CRIM1: variants seen among roughly 807,000 people sequenced by gnomAD.
CRIM1 encodes the protein cysteine rich transmembrane BMP regulator 1, also known as cysteine-rich motor neuron 1 protein.
In CRIM1, 32 loss-of-function variants were observed where a neutral mutation model predicts 116.4. The observed-to-expected ratio is 0.27, with a 90% confidence interval of 0.21 to 0.37. The LOEUF is 0.37. CRIM1 is among the 10% of genes least tolerant of loss of function. CRIM1 has a pLI of 1.00. For synonymous variants in CRIM1, 590 were observed against 509.2 expected, an observed-to-expected ratio of 1.16 and a Z score of -2.13; for missense variants, 1,331 against 1,354.8, an observed-to-expected ratio of 0.98 and a Z score of 0.28.
chr2:36,544,753 T>C (rs933482882), intron 15 of CRIM1, among the ~76,000 whole-genome samples: 1 of 152,152 alleles, frequency 6.6e-6, no homozygotes, highest in Non-Finnish European at 1.5e-5. Flanking sequence ...CGGAAATAAA[T>C]GGAAATAAAT....
chr2:36,457,655 G>A (rs763749897), intron 4 of CRIM1, among the ~76,000 whole-genome samples: 2 of 152,124 alleles, frequency 1.3e-5, no homozygotes, highest in Non-Finnish European at 2.9e-5. Flanking sequence ...AAAACTGTGA[G>A]CCTAAGGAAC....
At chr2:36,535,755 C>G (rs1666501437) in intron 13 of CRIM1, among the ~76,000 whole-genome samples, 1 of 152,180 alleles carries the variant, frequency 6.6e-6, no homozygotes, top group Non-Finnish European at 1.5e-5. Flanking sequence ...GGTGCATATG[C>G]TTGAGTATTG....
At chr2:36,373,938 C>T (rs929923827) in intron 1 of CRIM1, among the ~76,000 whole-genome samples, 3 of 152,192 alleles carry the variant, frequency 2.0e-5, no homozygotes, top group Admixed American at 6.5e-5. Context: ...AAATCTGCCT[C>T]TGGCCATCAT....
intron 2 of CRIM1, among the ~76,000 whole-genome samples, chr2:36,401,054 G>T (rs1031337519): frequency 2.6e-5 from 4 of 152,062 alleles, no homozygotes; most frequent in African/African-American, 9.7e-5. Flanking sequence ...GTTTTTGGTG[G>T]TGATGCTGAA....
intron 12 of CRIM1, among the ~76,000 whole-genome samples, chr2:36,519,530 A>G (rs58860162): frequency 0.012 from 1,860 of 152,336 alleles, 40 homozygotes; most frequent in African/African-American, 0.043. Context: ...CATCACAGTA[A>G]TTCTCAACAG....
At chr2:36,428,061 A>G (rs946079530) in intron 2 of CRIM1, among the ~76,000 whole-genome samples, 3 of 152,262 alleles carry the variant, frequency 2.0e-5, no homozygotes, top group African/African-American at 7.2e-5. Context: ...GTAATCAAAC[A>G]CTTTTTCAGC....
In CRIM1 at chr2:36,356,634, C is replaced by T. The variant is rs1233715311; in HGVS notation, c.331+11C>T. 2.5e-6 allele frequency: 4 copies of T among 1,598,608 alleles called. No individual in the cohort carries two copies. The highest frequency in any genetic ancestry group is 3.4e-6 in the Non-Finnish European group (4 of 1,174,288). Reference sequence around the variant, plus strand: ...CGGGCGTTTGCGAAGGTACGGCCGCCCGCTGCGGGCCCCCTCCCACCTGGC... The same window carrying T: ...CGGGCGTTTGCGAAGGTACGGCCGCTCGCTGCGGGCCCCCTCCCACCTGGC... On this transcript the variant is annotated intron_variant, in intron 1 of 16. Transcript: ENST00000280527. This position sits in a 1 kb window ranked among gnomAD's most constrained non-coding sequence, Gnocchi z 4.3.
In CRIM1 at chr2:36,356,065, G is replaced by C. The variant is rs1462546108; in HGVS notation, c.-228G>C. 6.5e-6 allele frequency: 1 copy of C among 154,064 alleles called. No individual in the cohort carries two copies. The highest frequency in any genetic ancestry group is 1.4e-5 in the Non-Finnish European group (1 of 70,170). The allele number at this position is 154,064 out of a possible 1,614,324, so 9.5% of individuals were successfully genotyped here. A position where few individuals can be genotyped will look rare whatever the true frequency, so the allele number is the denominator to read the frequency against. On this transcript the variant is annotated 5_prime_UTR_variant, in exon 1 of 17. Transcript: ENST00000280527. This position sits in a 1 kb window ranked among gnomAD's most constrained non-coding sequence, Gnocchi z 4.3. ...CGGGAGGAGGAGGAGGAGGAGGAGG[G>C]GAAGCTGCCGCCGGCGCCAAGGCTC...
chr2:36,381,860 A>G (rs1670802099), intron 1 of CRIM1, among the ~76,000 whole-genome samples: 1 of 152,220 alleles, frequency 6.6e-6, no homozygotes, highest in African/African-American at 2.4e-5. Flanking sequence ...GCTTTTTAAC[A>G]TGCTCAGCCT....
chr2:36,491,317 C>T (rs540832438), intron 7 of CRIM1, among the ~76,000 whole-genome samples: 74 of 152,154 alleles, frequency 4.9e-4, no homozygotes, highest in Non-Finnish European at 9.1e-4. Flanking sequence ...TCATTTTGGA[C>T]GGCTTGGATT....
intron 13 of CRIM1, among the ~76,000 whole-genome samples, chr2:36,530,451 A>G (rs575038188): frequency 3.7e-4 from 56 of 152,306 alleles, no homozygotes; most frequent in African/African-American, 1.3e-3. Flanking sequence ...TTATTCTCCA[A>G]GTGTGGAGTT....
At chr2:36,475,513 G>C (rs1189600074) in intron 5 of CRIM1, among the ~76,000 whole-genome samples, 1 of 152,142 alleles carries the variant, frequency 6.6e-6, no homozygotes, top group African/African-American at 2.4e-5. Flanking sequence ...ACAAGATCAT[G>C]TCATCTGCAA....
chr2:36,531,983 G>A (rs931855714), intron 13 of CRIM1: 11 of 470,786 alleles, frequency 2.3e-5, no homozygotes, highest in Non-Finnish European at 4.8e-5. Context: ...GACGGTGATG[G>A]CAGAAGTAAA....
At chr2:36,506,579 T>C (rs944410211) in intron 8 of CRIM1, among the ~76,000 whole-genome samples, 2 of 152,146 alleles carry the variant, frequency 1.3e-5, no homozygotes, top group African/African-American at 4.8e-5. Flanking sequence ...TTTTCCAGAA[T>C]GAACAGAGTT....
At chr2:36,396,555 G>A (rs1054897691) in intron 1 of CRIM1, 59 bp from the exon 2 acceptor site, 10 of 1,234,344 alleles carry the variant, frequency 8.1e-6, no homozygotes, top group Middle Eastern at 2.0e-4. Context: ...TTTTGCCCGC[G>A]AACAGGCCTT....
At chr2:36,392,104 A>G (rs1203950364) in intron 1 of CRIM1, among the ~76,000 whole-genome samples, 4 of 152,208 alleles carry the variant, frequency 2.6e-5, no homozygotes, top group African/African-American at 4.8e-5. Context: ...GTCATGAGAA[A>G]AAGTGTTATA....
chr2:36,417,767 C>CA (rs2124841277), intron 2 of CRIM1, among the ~76,000 whole-genome samples: 1 of 152,248 alleles, frequency 6.6e-6, no homozygotes, highest in Admixed American at 6.5e-5. Context: ...GGGAGACAGG[C>CA]ATGAACACCA....
chr2:36,477,220 T>C (rs910162572), intron 6 of CRIM1, 149 bp downstream of exon 6: 2 of 650,134 alleles, frequency 3.1e-6, no homozygotes, highest in African/African-American at 3.8e-5. Flanking sequence ...GTCTGTCTTT[T>C]AGCATGTTAA....
chr2:36,382,067 A>G (rs1670821173), intron 1 of CRIM1, among the ~76,000 whole-genome samples: 1 of 152,182 alleles, frequency 6.6e-6, no homozygotes, highest in South Asian at 2.1e-4. Flanking sequence ...TATGCCCAGC[A>G]GCTCTTTGCT....
Sources: gnomAD v4.1 joint callset for allele counts (sites outside exome capture counted in the v4.1 genomes callset) on GRCh38, gnomAD v4.1.1 for gene constraint, Gnocchi (gnomAD v3.1) non-coding constraint, MANE v1.5 for transcripts, NCBI Gene and HGNC (gene_info 2026-07-23, HGNC 2026-07-21) for gene names.